Variants in PCDHA4 observed in about 807,000 individuals in gnomAD.
PCDHA4 encodes protocadherin alpha-4.
In PCDHA4, 49 loss-of-function variants were observed where a neutral mutation model predicts 61.4. The ratio of observed to expected loss-of-function variants is 0.80; its 90% CI spans 0.63 to 1.01. The LOEUF is 1.01. Among genes scored for constraint, PCDHA4 ranks in the 50% least tolerant of loss-of-function variants. PCDHA4 has a pLI of 0.00. For synonymous variants in PCDHA4, 590 were observed against 550.3 expected (o/e 1.07, Z -1.01); for missense variants, 1,254 against 1,235.8 (o/e 1.01, Z -0.22).
intron 1 of PCDHA4, chr5:140,867,274 C>T (rs2049858759): frequency 6.6e-6 from 1 of 151,960 alleles, no homozygotes; most frequent in Non-Finnish European, 1.5e-5. Flanking sequence ...CAAAATAAAC[C>T]TGATGTGCTT....
intron 1 of PCDHA4, chr5:140,876,770 C>T (rs2056573777): frequency 6.2e-7 from 1 of 1,614,248 alleles, no homozygotes; most frequent in Non-Finnish European, 8.5e-7. Context: ...GGGGGCTCGC[C>T]TTCGCTGTGG....
At chr5:140,921,353 A>G (rs943655623) in intron 1 of PCDHA4, among the ~76,000 whole-genome samples, 5 of 152,160 alleles carry the variant, frequency 3.3e-5, no homozygotes, top group Non-Finnish European at 5.9e-5. Flanking sequence ...ATATTTGCCT[A>G]TATTCAAGTT....
intron 3 of PCDHA4, among the ~76,000 whole-genome samples, chr5:141,002,021 C>A (rs1177146388): frequency 2.6e-5 from 4 of 152,184 alleles, no homozygotes; most frequent in Admixed American, 6.5e-5. Flanking sequence ...GCACAGCCTT[C>A]GGTGCCCTGA....
At chr5:140,869,682 A>AGG in intron 1 of PCDHA4, 3 of 1,613,466 alleles carry the variant, frequency 1.9e-6, no homozygotes, top group Non-Finnish European at 2.5e-6. Context: ...AAAGACTGTC[A>AGG]CTTATTTTAA....
chr5:140,884,824 T>A, intron 1 of PCDHA4: 1 of 993,590 alleles, frequency 1.0e-6, no homozygotes, highest in Non-Finnish European at 1.4e-6. Context: ...ACATTATGTG[T>A]TGGATTATCC....
At chr5:141,005,469 C>T (rs549630927) in intron 3 of PCDHA4, among the ~76,000 whole-genome samples, 2 of 151,656 alleles carry the variant, frequency 1.3e-5, no homozygotes, top group South Asian at 2.1e-4. Flanking sequence ...TTTGGGAGGC[C>T]GAGACGGGCG....
At chr5:141,006,105 GT>G (rs79904017) in intron 3 of PCDHA4, among the ~76,000 whole-genome samples, 172 of 143,342 alleles carry the variant, frequency 1.2e-3, no homozygotes, top group East Asian at 2.0e-3. Context: ...ATGGTAAGGA[GT>G]TTTTTTTTTT....
At chr5:140,979,120 T>A in intron 2 of PCDHA4, 113 bp downstream of exon 2, 1 of 1,497,648 alleles carries the variant, frequency 6.7e-7, no homozygotes, top group Non-Finnish European at 8.9e-7. Flanking sequence ...CTTTAGGTAC[T>A]TTGCCAGGAA....
chr5:140,833,852 G>A (rs1262329896), intron 1 of PCDHA4, among the ~76,000 whole-genome samples: 1 of 152,108 alleles, frequency 6.6e-6, no homozygotes, highest in South Asian at 2.1e-4. Context: ...CTTAACAAGC[G>A]ATACTGAATC....
chr5:140,871,066 G>GA, intron 1 of PCDHA4: 1 of 1,613,276 alleles, frequency 6.2e-7, no homozygotes, highest in South Asian at 1.1e-5. Context: ...GGATCACGGT[G>GA]AGCCGGCGCT....
intron 1 of PCDHA4, among the ~76,000 whole-genome samples, chr5:140,937,096 G>T (rs1173485186): frequency 4.1e-5 from 6 of 146,810 alleles, no homozygotes; most frequent in African/African-American, 1.5e-4. Context: ...GGAGTGCAGT[G>T]GCGCAGTCTC....
chr5:140,824,938 G>A (rs1474426433), intron 1 of PCDHA4: 1 of 151,940 alleles, frequency 6.6e-6, no homozygotes, highest in Non-Finnish European at 1.5e-5. Flanking sequence ...TTTGATAATT[G>A]TAATTTAAAA....
chr5:140,865,866 C>G (rs1004604196), intron 1 of PCDHA4: 1 of 152,128 alleles, frequency 6.6e-6, no homozygotes, highest in Non-Finnish European at 1.5e-5. Context: ...AACATGGTCT[C>G]GGCTAGGAAA....
intron 3 of PCDHA4, among the ~76,000 whole-genome samples, chr5:140,991,068 T>A (rs1563570560): frequency 6.6e-6 from 1 of 152,216 alleles, no homozygotes; most frequent in Admixed American, 6.5e-5. Flanking sequence ...ATTATTCCCA[T>A]GTTTCAGATA....
Position 140,884,467 on chromosome 5 carries a change from G to C in PCDHA4, c.2385+74895G>C, listed in dbSNP as rs199814121. 11 of 1,613,778 alleles carry C rather than the reference G, an allele frequency of 6.8e-6. No homozygotes were observed. The South Asian group carries it at 8.8e-5, about 13-fold the overall frequency. On this transcript the variant is annotated intron_variant, in intron 1 of 3. Transcript: ENST00000530339. ...CACCGCCCACCGAGGGCGCGTGCGC[G>C]CCGGGCAAGCCCACTCTAGTGTGCT...
intron 1 of PCDHA4, among the ~76,000 whole-genome samples, chr5:140,886,261 T>C (rs1162814294): frequency 1.3e-5 from 2 of 152,036 alleles, no homozygotes; most frequent in African/African-American, 4.8e-5. Context: ...TCTCTATTTA[T>C]AGATAAAATT....
Position 140,863,280 on chromosome 5 carries a change from C to T in PCDHA4, c.2385+53708C>T, listed in dbSNP as rs782682336. The T allele has an allele frequency of 3.4e-6, 5 of 1,461,684 alleles. No individual in the cohort carries two copies. The African/African-American group carries it at 5.7e-5, about 17-fold the overall frequency. 90.5% of individuals were successfully genotyped at this position (1,461,684 alleles called of 1,614,324 possible). A position where few individuals can be genotyped will look rare whatever the true frequency, so the allele number is the denominator to read the frequency against. On this transcript the variant is annotated intron_variant, in intron 1 of 3. Coordinates refer to ENST00000530339, the MANE Select transcript of PCDHA4 (RefSeq NM_018907.4). ...TCCGGGAGGCAGCGCTGGTGGATGT[C>T]AACGTGTACCTGATCATCGCCATCT...
At chr5:140,841,324 G>A in intron 1 of PCDHA4, 1 of 1,601,518 alleles carries the variant, frequency 6.2e-7, no homozygotes. Flanking sequence ...TATTTAACAT[G>A]GATTATCACT....
chr5:140,875,744 A>G, intron 1 of PCDHA4: 2 of 1,614,206 alleles, frequency 1.2e-6, no homozygotes, highest in Non-Finnish European at 1.7e-6. Flanking sequence ...TCTCGGATCG[A>G]CCGCGAGAAG....
Sources: allele counts gnomAD v4.1 joint callset (sites outside exome capture counted in the v4.1 genomes callset), GRCh38; gene constraint gnomAD v4.1.1; transcripts MANE v1.5; gene names NCBI Gene and HGNC (gene_info 2026-07-23, HGNC 2026-07-21).